Variants in UBAP1 observed in about 807,000 individuals in gnomAD.
UBAP1 encodes the protein ubiquitin-associated protein 1.
A neutral mutation model predicts 39.0 loss-of-function variants in UBAP1; 5 were observed. The ratio of observed to expected loss-of-function variants is 0.13; its 90% CI spans 0.07 to 0.27. The LOEUF is 0.27. Ranked by LOEUF, UBAP1 falls within the 10% of genes least tolerant of loss-of-function variation. UBAP1 has a pLI of 1.00. For synonymous variants in UBAP1, 211 were observed against 225.1 expected, an observed-to-expected ratio of 0.94 and a Z score of 0.56; for missense variants, 490 against 608.1, an observed-to-expected ratio of 0.81 and a Z score of 2.04.
At chr9:34,226,316 GCCT>G (rs1833104334) in intron 2 of UBAP1, among the ~76,000 whole-genome samples, 2 of 147,952 alleles carry the variant, frequency 1.4e-5, no homozygotes, top group Non-Finnish European at 3.0e-5. Context: ...TGCAACCTCT[GCCT>G]CCTCAAGCAA....
At position 34,241,445 on chromosome 9, in the gene UBAP1, G is replaced by A. The variant is rs1189858268; in HGVS notation, c.420G>A (p.Thr140=). ...LTPTRVSSSA[T]KQKVLSPPHI... is the part of the protein sequence containing the mutation. ...CAACTCGGGTCAGCAGTAGTGCCAC[G>A]AAACAGAAAGTTCTCAGCCCACCTC... The change falls in exon 4 of 7, where the codon ACG becomes ACA. Residue 140 remains threonine, a synonymous_variant. Transcript: ENST00000297661. The A allele has an allele frequency of 2.2e-5, 35 of 1,605,906 alleles. No individual in the cohort carries two copies. The highest frequency in any genetic ancestry group is 2.8e-5 in the Non-Finnish European group (33 of 1,175,430).
intron 1 of UBAP1, among the ~76,000 whole-genome samples, chr9:34,184,412 A>T (rs1587777596): frequency 6.6e-6 from 1 of 151,192 alleles, no homozygotes; most frequent in African/African-American, 2.4e-5. Context: ...CGGGCGGATC[A>T]CAAGGTCAGG....
intron 1 of UBAP1, among the ~76,000 whole-genome samples, chr9:34,203,982 C>G (rs1016298734): frequency 6.6e-6 from 1 of 152,194 alleles, no homozygotes; most frequent in African/African-American, 2.4e-5. Flanking sequence ...TTACTTATTT[C>G]AGGTCAAATT....
At chr9:34,209,681 G>A (rs868151417) in intron 1 of UBAP1, among the ~76,000 whole-genome samples, 2 of 148,220 alleles carry the variant, frequency 1.3e-5, no homozygotes, top group Admixed American at 6.9e-5. Flanking sequence ...CTCTGAAGTC[G>A]TTATCTTTCA....
chr9:34,187,620 T>C (rs1158414958), intron 1 of UBAP1, among the ~76,000 whole-genome samples: 4 of 152,206 alleles, frequency 2.6e-5, no homozygotes, highest in Non-Finnish European at 4.4e-5. Context: ...AAATTTTTTT[T>C]GATGTCTAGT....
At chr9:34,208,549 G>T (rs1209415206) in intron 1 of UBAP1, among the ~76,000 whole-genome samples, 3 of 151,402 alleles carry the variant, frequency 2.0e-5, no homozygotes, top group African/African-American at 7.3e-5. Flanking sequence ...AGGCCGAGGC[G>T]GGCAGATCAT....
intron 2 of UBAP1, among the ~76,000 whole-genome samples, chr9:34,226,096 C>G (rs1024067662): frequency 7.2e-5 from 5 of 68,996 alleles, no homozygotes; most frequent in Admixed American, 1.5e-4. Flanking sequence ...AAAGTTTCCT[C>G]CTACTCTATT....
intron 2 of UBAP1, chr9:34,223,938 A>G: frequency 3.3e-6 from 1 of 306,648 alleles, no homozygotes. Flanking sequence ...TTTTGGGAAC[A>G]AAACAATAAA....
chr9:34,202,678 T>TAGACAGAAA (rs1563895163), intron 1 of UBAP1, among the ~76,000 whole-genome samples: 1 of 138,980 alleles, frequency 7.2e-6, no homozygotes, highest in African/African-American at 2.6e-5. Context: ...TGTGTGTGTG[T>TAGACAGAAA]CCCCGTCCCC....
rs780331828 is a variant in UBAP1 at position 34,251,380 on chromosome 9, T to C, written c.1369-12T>C. ...CCCTTTTCTTTAATCTGTGTTCTCT[T>C]CTCTCCCTTAGATGATGGAGTTTCT... On this transcript the variant is annotated splice_polypyrimidine_tract_variant and intron_variant, in intron 6 of 6. Coordinates refer to ENST00000297661, the MANE Select transcript of UBAP1 (RefSeq NM_016525.5). 6.2e-7 allele frequency: 1 copy of C among 1,613,968 alleles called. No individual in the cohort carries two copies. The highest frequency in any genetic ancestry group is 8.5e-7 in the Non-Finnish European group (1 of 1,179,922).
rs552895213 is a variant in UBAP1, at chr9:34,249,714, G to T, written c.1084-65G>T. The T allele has an allele frequency of 2.9e-4, 438 of 1,509,610 alleles. 3 individuals carry two copies. The South Asian group carries it at 4.1e-3, about 14-fold the overall frequency. 93.5% of individuals were successfully genotyped at this position (1,509,610 alleles called of 1,614,324 possible). On this transcript the variant is annotated intron_variant, in intron 4 of 6. Transcript: ENST00000297661. ...TCAGAAATGCCAACCCCTGGACTAG[G>T]CTGCCTCAGTGACTTCTTTGGGGGC...
intron 1 of UBAP1, among the ~76,000 whole-genome samples, chr9:34,210,668 C>T (rs968056896): frequency 2.0e-5 from 3 of 151,150 alleles, no homozygotes; most frequent in African/African-American, 7.3e-5. Context: ...TGCAGTGAGC[C>T]GAGATTGTGT....
chr9:34,186,051 G>A (rs938609482), intron 1 of UBAP1, among the ~76,000 whole-genome samples: 1 of 152,090 alleles, frequency 6.6e-6, no homozygotes, highest in Non-Finnish European at 1.5e-5. Context: ...ATGCCATTTT[G>A]CCCCTCTTAG....
At chr9:34,182,731 T>C (rs188006823) in intron 1 of UBAP1, among the ~76,000 whole-genome samples, 94 of 149,326 alleles carry the variant, frequency 6.3e-4, no homozygotes, top group African/African-American at 2.2e-3. Context: ...CTCTCTCCTT[T>C]CTTTCTTTTC....
At chr9:34,205,933 A>C (rs1587819841) in intron 1 of UBAP1, among the ~76,000 whole-genome samples, 1 of 152,224 alleles carries the variant, frequency 6.6e-6, no homozygotes, top group South Asian at 2.1e-4. Context: ...TGGAGGTTTC[A>C]GTGAGCCAAG....
intron 1 of UBAP1, among the ~76,000 whole-genome samples, chr9:34,212,630 G>GA (rs1832082169): frequency 6.6e-6 from 1 of 151,952 alleles, no homozygotes; most frequent in South Asian, 2.1e-4. Context: ...TGGGTTTAGG[G>GA]AAAATACAAC....
chr9:34,240,889 G>A (rs1833920980), intron 3 of UBAP1, among the ~76,000 whole-genome samples: 1 of 152,110 alleles, frequency 6.6e-6, no homozygotes, highest in African/African-American at 2.4e-5. Context: ...TACATGTTTG[G>A]GGCTATCATT....
chr9:34,179,813 C>G (rs1198056076), intron 1 of UBAP1, among the ~76,000 whole-genome samples: 1 of 152,102 alleles, frequency 6.6e-6, no homozygotes. Flanking sequence ...CCACCTGGGC[C>G]TCAGGAACCG....
intron 3 of UBAP1, among the ~76,000 whole-genome samples, chr9:34,240,007 A>G (rs1563919211): frequency 6.6e-6 from 1 of 152,214 alleles, no homozygotes; most frequent in South Asian, 2.1e-4. Flanking sequence ...GAAATTTCCA[A>G]TTTTTTTAAA....
Sources: gnomAD v4.1 joint callset for allele counts (sites outside exome capture counted in the v4.1 genomes callset) on GRCh38, gnomAD v4.1.1 for gene constraint, MANE v1.5 for transcripts, NCBI Gene and HGNC (gene_info 2026-07-23, HGNC 2026-07-21) for gene names.